The following EFHD1 variants were observed in gnomAD, a reference collection of about 807,000 sequenced individuals.
EFHD1 encodes the protein EF-hand domain family member D1.
In EFHD1, 10 loss-of-function variants were observed where a neutral mutation model predicts 17.2. That is an observed-to-expected ratio of 0.58 (90% CI 0.36 to 0.99). The LOEUF is 0.99. Ranked by LOEUF, EFHD1 falls within the 50% of genes least tolerant of loss-of-function variation. The pLI is 0.01. For missense variants in EFHD1, 310 were observed against 327.5 expected, an observed-to-expected ratio of 0.95 and a Z score of 0.41; for synonymous variants, 153 against 142.0, an observed-to-expected ratio of 1.08 and a Z score of -0.55.
Position 232,618,460 on chromosome 2 carries a change from C to T in EFHD1, c.14+12287C>T, listed in dbSNP as rs141414668. ...ACATGCAGCTGGGTGTGGTGGCGTGCGCCTATAATCCCAGAACTTTGGGAG... is the reference window on the plus strand; with the variant it reads ...ACATGCAGCTGGGTGTGGTGGCGTGTGCCTATAATCCCAGAACTTTGGGAG... On this transcript the variant is annotated intron_variant, in intron 1 of 3. Transcript: ENST00000409613. Among the ~76,000 whole-genome samples the T allele has an allele frequency of 2.5e-3, 377 of 152,138 alleles. 1 individual carries two copies. The highest frequency in any genetic ancestry group is 8.2e-3 in the African/African-American group (342 of 41,504).
At chr2:232,613,633 T>TACACACACACACAA (rs1559335595) in intron 1 of EFHD1, among the ~76,000 whole-genome samples, 7 of 100,032 alleles carry the variant, frequency 7.0e-5, no homozygotes, top group African/African-American at 8.5e-5. Flanking sequence ...CACACACACA[T>TACACACACACACAA]ATACACACAC....
intron 1 of EFHD1, among the ~76,000 whole-genome samples, chr2:232,640,662 G>A (rs546962598): frequency 3.5e-4 from 54 of 152,272 alleles, no homozygotes; most frequent in African/African-American, 1.3e-3. Flanking sequence ...CTGTTTGGAT[G>A]GGAGGGATGT....
intron 2 of EFHD1, among the ~76,000 whole-genome samples, chr2:232,664,497 C>T (rs1265792542): frequency 1.3e-5 from 2 of 151,340 alleles, no homozygotes; most frequent in Admixed American, 6.6e-5. Flanking sequence ...CAGGGACTCA[C>T]TTTGTTGCCC....
intron 1 of EFHD1, among the ~76,000 whole-genome samples, chr2:232,639,955 T>C (rs1694397282): frequency 6.6e-6 from 1 of 152,182 alleles, no homozygotes; most frequent in African/African-American, 2.4e-5. Flanking sequence ...GACTCACCTG[T>C]CGTGACTCAC....
rs143988682 is a variant in EFHD1 at position 232,677,708 on chromosome 2, G to C, written c.586-3877G>C. ...ACTGCACTCCAGTCTGGGTGACAGA[G>C]TAAGACCTTGTCTCAAAAAAAAGAC... On this transcript the variant is annotated intron_variant, in intron 3 of 3. Coordinates refer to ENST00000264059, the MANE Select transcript of EFHD1 (RefSeq NM_025202.4). 2.2e-3 allele frequency among the ~76,000 whole-genome samples: 333 copies of C among 152,262 alleles called. 6 individuals carry two copies. The highest frequency in any genetic ancestry group is 0.017 in the Admixed American group (259 of 15,272).
chr2:232,649,318 A>G (rs1408584296), intron 1 of EFHD1, among the ~76,000 whole-genome samples: 1 of 152,170 alleles, frequency 6.6e-6, no homozygotes, highest in African/African-American at 2.4e-5. Context: ...CGGCCCACAC[A>G]GTCACGCCTC....
At chr2:232,612,479 C>T (rs975336481) in intron 1 of EFHD1, among the ~76,000 whole-genome samples, 1 of 152,100 alleles carries the variant, frequency 6.6e-6, no homozygotes, top group Middle Eastern at 3.2e-3. Context: ...ATCAACATTT[C>T]ATCAAAGAAG....
intron 2 of EFHD1, among the ~76,000 whole-genome samples, chr2:232,667,713 C>T (rs114662139): frequency 0.035 from 5,298 of 151,938 alleles, 200 homozygotes; most frequent in East Asian, 0.22. Context: ...GCACCACACC[C>T]GGCTAATTTT....
intron 2 of EFHD1, among the ~76,000 whole-genome samples, chr2:232,664,905 G>A (rs1433247674): frequency 1.3e-5 from 2 of 148,912 alleles, no homozygotes; most frequent in African/African-American, 5.0e-5. Flanking sequence ...GAGCCACCAC[G>A]CCCGGCCTAT....
chr2:232,650,843 A>G (rs1288379380), intron 1 of EFHD1, among the ~76,000 whole-genome samples: 1 of 151,930 alleles, frequency 6.6e-6, no homozygotes, highest in South Asian at 2.1e-4. Flanking sequence ...TGCTGGGATT[A>G]CAAGTGTGAG....
chr2:232,662,226 G>A (rs1176767662), intron 1 of EFHD1, among the ~76,000 whole-genome samples: 1 of 152,142 alleles, frequency 6.6e-6, no homozygotes, highest in South Asian at 2.1e-4. Context: ...GGTAGACACG[G>A]CCGTTCAGAG....
At chr2:232,651,764 G>A (rs1375589288) in intron 1 of EFHD1, among the ~76,000 whole-genome samples, 1 of 152,254 alleles carries the variant, frequency 6.6e-6, no homozygotes, top group Non-Finnish European at 1.5e-5. Flanking sequence ...GGATGTTGTA[G>A]TGAGCCGAGA....
intron 1 of EFHD1, among the ~76,000 whole-genome samples, chr2:232,623,679 AAAAAAAAAAAAAAAAGAAGAAG>A (rs779855077): frequency 2.0e-4 from 25 of 122,102 alleles, no homozygotes; most frequent in African/African-American, 7.1e-4. Flanking sequence ...TGTCCAAAAA[AAAAAAAAAAAAAAAAGAAGAAG>A]AAGAAGAAGA....
chr2:232,622,778 C>T (rs1334914722), intron 1 of EFHD1, among the ~76,000 whole-genome samples: 1 of 152,034 alleles, frequency 6.6e-6, no homozygotes, highest in East Asian at 1.9e-4. Context: ...ACCAGCTGCA[C>T]GTGGCTATCA....
At chr2:232,681,442 T>C in intron 3 of EFHD1, 143 bp from the exon 4 acceptor site, 1 of 1,186,250 alleles carries the variant, frequency 8.4e-7, no homozygotes, top group Non-Finnish European at 1.2e-6. Flanking sequence ...ACGGAAAGAG[T>C]GCTTGCTGGG....
chr2:232,613,633 T>TACACACAA (rs1559335595), intron 1 of EFHD1, among the ~76,000 whole-genome samples: 2 of 100,016 alleles, frequency 2.0e-5, no homozygotes, highest in Non-Finnish European at 3.9e-5. Context: ...CACACACACA[T>TACACACAA]ATACACACAC....
chr2:232,635,675 C>G (rs1449760042), intron 1 of EFHD1, among the ~76,000 whole-genome samples: 2 of 152,024 alleles, frequency 1.3e-5, no homozygotes, highest in Non-Finnish European at 2.9e-5. Flanking sequence ...AAGAATTAGC[C>G]GGGAGTGGTG....
rs1300138852 is a variant in EFHD1, at chr2:232,661,715, A to T, written c.303-1087A>T. 7.4e-5 allele frequency: 11 copies of T among 149,018 alleles called. No individual in the cohort carries two copies. The Admixed American group carries it at 7.5e-4, about 10-fold the overall frequency. 9.2% of individuals were successfully genotyped at this position (149,018 alleles called of 1,614,324 possible). On this transcript the variant is annotated intron_variant, in intron 1 of 3. Coordinates refer to ENST00000264059, the MANE Select transcript of EFHD1 (RefSeq NM_025202.4). The stretch of plus-strand genomic sequence containing the variant: ...GCTGGGATTACAGGCGTGCACCACC[A>T]TGCCCAGCTAATTTTTGTATTTTTA...
chr2:232,618,953 G>A (rs1051353258), intron 1 of EFHD1, among the ~76,000 whole-genome samples: 3 of 151,934 alleles, frequency 2.0e-5, no homozygotes, highest in African/African-American at 7.3e-5. Context: ...AGACCAGCCT[G>A]ACCAACATGG....
Sources: gnomAD v4.1 joint callset for allele counts (sites outside exome capture counted in the v4.1 genomes callset) on GRCh38, gnomAD v4.1.1 for gene constraint, MANE v1.5 for transcripts, NCBI Gene and HGNC (gene_info 2026-07-23, HGNC 2026-07-21) for gene names.